The following PSMA1 variants were observed in gnomAD, a reference collection of about 807,000 sequenced individuals.
The protein encoded by PSMA1 is proteasome 20S subunit alpha 1.
In PSMA1, 3 loss-of-function variants were observed where a neutral mutation model predicts 38.4. The observed-to-expected ratio is 0.08, with a 90% CI of 0.04 to 0.20. The LOEUF is 0.20. Among genes scored for constraint, PSMA1 ranks in the 10% least tolerant of loss-of-function variants. PSMA1 has a pLI of 1.00. For missense variants in PSMA1, 227 were observed against 325.3 expected, an observed-to-expected ratio of 0.70 and a Z score of 2.32; for synonymous variants, 101 against 107.1, an observed-to-expected ratio of 0.94 and a Z score of 0.35.
chr11:14,621,280 C>A (rs1590013401), intron 1 of PSMA1, among the ~76,000 whole-genome samples: 2 of 151,358 alleles, frequency 1.3e-5, no homozygotes, highest in Admixed American at 1.3e-4. Context: ...TCTTTCTTTT[C>A]TTTTCTTTTT....
chr11:14,545,740 G>C (rs925563727), intron 2 of PSMA1, among the ~76,000 whole-genome samples: 1 of 152,148 alleles, frequency 6.6e-6, no homozygotes, highest in Non-Finnish European at 1.5e-5. Flanking sequence ...TGATGTTTTA[G>C]ATATCTGCAA....
Position 14,641,100 on chromosome 11 carries a change from C to T in PSMA1, c.-166+2355G>A, listed in dbSNP as rs150281871. Among the ~76,000 whole-genome samples the T allele has an allele frequency of 2.8e-3, 427 of 151,810 alleles. 5 individuals carry two copies. The highest frequency in any genetic ancestry group is 1.0e-2 in the African/African-American group (412 of 41,338). On this transcript the variant is annotated intron_variant, in intron 1 of 10. Transcript: ENST00000418988. ...GTAGATGACGCCTTGATGGGTGCAG[C>T]AAACCACCACGGCACGTGTATACCT...
intron 2 of PSMA1, among the ~76,000 whole-genome samples, chr11:14,602,913 G>A (rs988575119): frequency 1.3e-5 from 2 of 152,178 alleles, no homozygotes; most frequent in African/African-American, 4.8e-5. Flanking sequence ...GGGTTCACCT[G>A]ATTTCCATGG....
intron 2 of PSMA1, among the ~76,000 whole-genome samples, chr11:14,559,790 A>G (rs374530041): frequency 6.6e-6 from 1 of 152,206 alleles, no homozygotes; most frequent in South Asian, 2.1e-4. Flanking sequence ...AAAAATGAAT[A>G]TAACTGTTGT....
intron 2 of PSMA1, among the ~76,000 whole-genome samples, chr11:14,586,194 G>A (rs1852343284): frequency 6.6e-6 from 1 of 152,134 alleles, no homozygotes; most frequent in Non-Finnish European, 1.5e-5. Flanking sequence ...CACTTTGGGA[G>A]GCCGAGGCTG....
At chr11:14,540,088 G>A (rs1851756486) in intron 2 of PSMA1, among the ~76,000 whole-genome samples, 1 of 152,200 alleles carries the variant, frequency 6.6e-6, no homozygotes, top group Non-Finnish European at 1.5e-5. Context: ...GTTTCCATTT[G>A]TGGCTTCAGA....
At chr11:14,556,333 T>C (rs2134170982) in intron 2 of PSMA1, among the ~76,000 whole-genome samples, 1 of 152,336 alleles carries the variant, frequency 6.6e-6, no homozygotes, top group South Asian at 2.1e-4. Flanking sequence ...TCTAAAGGCA[T>C]TACTTCTTTG....
chr11:14,594,869 C>A (rs562025434), intron 2 of PSMA1, among the ~76,000 whole-genome samples: 1 of 152,260 alleles, frequency 6.6e-6, no homozygotes, highest in Non-Finnish European at 1.5e-5. Flanking sequence ...ATCAACTCAT[C>A]ATTTACATTA....
rs192688221 is a variant in PSMA1 at position 14,512,367 on chromosome 11, C to T, written c.544+1203G>A. Among the ~76,000 whole-genome samples, 16 of 151,738 alleles carry T rather than the reference C, an allele frequency of 1.1e-4. No homozygotes were observed. The East Asian group carries it at 1.7e-3, about 16-fold the overall frequency. ...CCAGCCTGGGCAAAAACAGTGAAAC[C>T]CCGTCTCAGGAAAAAAAAAAAAAGA... On this transcript the variant is annotated intron_variant, in intron 7 of 9. Transcript: ENST00000396394.
At chr11:14,570,182 G>A (rs1852120826) in intron 2 of PSMA1, among the ~76,000 whole-genome samples, 1 of 152,166 alleles carries the variant, frequency 6.6e-6, no homozygotes. Context: ...AAACAGAAAG[G>A]ACATCCGTAC....
At position 14,515,011 on chromosome 11, in the gene PSMA1, G is replaced by A. The variant is rs929006546; in HGVS notation, c.255-520C>T. ...GAGGAGATACTGGACACTAGCCGCT[G>A]AGTCTCACTGTTAAATCTGATGAAA... is the stretch of plus-strand genomic sequence containing the variant. On this transcript the variant is annotated intron_variant, in intron 4 of 9. Transcript: ENST00000396394. Among the ~76,000 whole-genome samples, 7 of 152,202 alleles carry A rather than the reference G, an allele frequency of 4.6e-5. No homozygotes were observed. In the East Asian group the frequency reaches 7.7e-4, roughly 17 times the overall value.
intron 1 of PSMA1, among the ~76,000 whole-genome samples, chr11:14,618,147 G>A (rs77298739): frequency 3.3e-5 from 5 of 152,270 alleles, no homozygotes; most frequent in Non-Finnish European, 5.9e-5. Context: ...CCAGACATCA[G>A]ATTCTGCTGT....
At chr11:14,586,156 G>T (rs1018599681) in intron 2 of PSMA1, among the ~76,000 whole-genome samples, 2 of 152,126 alleles carry the variant, frequency 1.3e-5, no homozygotes, top group Non-Finnish European at 2.9e-5. Flanking sequence ...ATTGGACCAG[G>T]TGTGGTGGCT....
chr11:14,609,530 G>C (rs1281834346), intron 2 of PSMA1, among the ~76,000 whole-genome samples: 7 of 152,208 alleles, frequency 4.6e-5, no homozygotes, highest in Non-Finnish European at 1.0e-4. Context: ...GAGATGTTGA[G>C]AGGGGATTAG....
chr11:14,510,941 A>G lies in PSMA1; in HGVS notation c.555T>C (p.Asn185=). Residue 185 remains asparagine, a synonymous_variant, in exon 8 of 10, where the codon AAT becomes AAC. Transcript: ENST00000396394. ...HMSEFMECNL[N]ELVKHGLRAL... ...CACGCAGACCATGTTTAACTAGTTC[A>G]TTTAAATTACCTATATGTAATAAAT... The G allele has an allele frequency of 6.3e-7, 1 of 1,592,538 alleles. No individual in the cohort carries two copies. Among genetic ancestry groups the G allele is most frequent in the South Asian group, 1.1e-5 (1 of 88,496 alleles).
At chr11:14,636,426 T>C (rs1853113993) in intron 1 of PSMA1, among the ~76,000 whole-genome samples, 1 of 152,210 alleles carries the variant, frequency 6.6e-6, no homozygotes, top group Non-Finnish European at 1.5e-5. Flanking sequence ...TTTCAGTCAT[T>C]CTTTTGAGCA....
chr11:14,513,784 T>C, intron 6 of PSMA1, 33 bp downstream of exon 6: 1 of 1,550,882 alleles, frequency 6.4e-7, no homozygotes, highest in Non-Finnish European at 8.7e-7. Context: ...TTAAAAAAAA[T>C]CATTAACATA....
At chr11:14,615,157 T>C (rs1852757022) in intron 1 of PSMA1, among the ~76,000 whole-genome samples, 1 of 152,230 alleles carries the variant, frequency 6.6e-6, no homozygotes, top group Admixed American at 6.5e-5. Flanking sequence ...TCTTATTCAC[T>C]TCTCTATTTG....
intron 2 of PSMA1, among the ~76,000 whole-genome samples, chr11:14,568,683 G>A (rs1852102231): frequency 6.6e-6 from 1 of 152,226 alleles, no homozygotes; most frequent in Non-Finnish European, 1.5e-5. Flanking sequence ...GAACTTTAGA[G>A]TTTAAGCAAA....
Sources: gnomAD v4.1 joint callset for allele counts (sites outside exome capture counted in the v4.1 genomes callset) on GRCh38, gnomAD v4.1.1 for gene constraint, MANE v1.5 for transcripts, NCBI Gene and HGNC (gene_info 2026-07-23, HGNC 2026-07-21) for gene names.